TMIGD1: variants seen among roughly 807,000 people sequenced by gnomAD.
TMIGD1 encodes the protein transmembrane and immunoglobulin domain-containing protein 1.
In TMIGD1, 29 loss-of-function variants were observed where a neutral mutation model predicts 27.5. That is an observed-to-expected ratio of 1.05 (90% CI 0.78 to 1.44). The LOEUF is 1.44. Ranked by LOEUF, TMIGD1 falls within the 40% of genes most tolerant of loss-of-function variation. The pLI, the probability that TMIGD1 is intolerant of heterozygous loss-of-function variation, is 0.00. For synonymous variants in TMIGD1, 109 were observed against 110.3 expected (o/e 0.99, Z 0.07); for missense variants, 334 against 310.6 (o/e 1.08, Z -0.57).
At chr17:30,327,416 C>CA (rs35739777) in intron 3 of TMIGD1, among the ~76,000 whole-genome samples, 84,899 of 144,308 alleles carry the variant, frequency 0.59, 26,733 homozygotes, top group African/African-American at 0.86. Context: ...GACCCTGTCT[C>CA]AAAAAAAAAA....
rs374203297 is a variant in TMIGD1, at chr17:30,329,292, C to T, written c.320G>A (p.Arg107Lys). 4 of 1,614,030 alleles carry T rather than the reference C, an allele frequency of 2.5e-6. No homozygotes were observed. In the African/African-American group the frequency reaches 4.0e-5, roughly 16 times the overall value. ...CACCGAAACGGACACGGACTGATCC[C>T]TCCCCAGCCTGCAGGTAAAGCTGAT... is the stretch of plus-strand genomic sequence containing the variant. ...NGISFTCRLG[R>K]DQSVSVSVVL... is the part of the protein sequence containing the mutation. Residue 107 changes from arginine to lysine, a missense_variant, in exon 3 of 7, where the codon AGG becomes AAG. Arg to Lys is a conservative substitution (Grantham distance 26). Transcript: ENST00000328886.
chr17:30,320,411 T>C (rs1008644071), intron 4 of TMIGD1, among the ~76,000 whole-genome samples: 1 of 152,118 alleles, frequency 6.6e-6, no homozygotes, highest in African/African-American at 2.4e-5. Flanking sequence ...TTTGAAAATA[T>C]TTGAGACCCA....
Position 30,318,888 on chromosome 17 carries a change from C to T in TMIGD1, c.666G>A (p.Glu222=). 6.2e-7 allele frequency: 1 copy of T among 1,613,674 alleles called. No homozygotes were observed. Among genetic ancestry groups the T allele is most frequent in the Middle Eastern group, 1.7e-4 (1 of 6,060 alleles). The change falls in exon 5 of 7, where the codon GAG becomes GAA. Residue 222 remains glutamate, a synonymous_variant. Coordinates refer to ENST00000328886, the MANE Select transcript of TMIGD1 (RefSeq NM_206832.3). The part of the protein sequence containing the change: ...VKDKTVGVPI[E]PIIAACVVIF... Reference sequence around the variant, plus strand: ...TCACAACACATGCAGCAATAATGGGCTCTATTGGTACACCCACAGTTTTAT... The same window carrying T: ...TCACAACACATGCAGCAATAATGGGTTCTATTGGTACACCCACAGTTTTAT...
chr17:30,317,377 A>G (rs997821218), intron 5 of TMIGD1, 144 bp from the exon 6 acceptor site: 5 of 762,918 alleles, frequency 6.6e-6, no homozygotes, highest in African/African-American at 5.2e-5. Flanking sequence ...GGGCCACACT[A>G]GTAGTTTTTA....
chr17:30,324,127 G>C (rs1463782447), intron 4 of TMIGD1, among the ~76,000 whole-genome samples: 1 of 152,224 alleles, frequency 6.6e-6, no homozygotes, highest in Non-Finnish European at 1.5e-5. Context: ...GGGAGTCTCA[G>C]CTTGTTGGGC....
At chr17:30,323,768 A>C (rs547052668) in intron 4 of TMIGD1, among the ~76,000 whole-genome samples, 1 of 151,628 alleles carries the variant, frequency 6.6e-6, no homozygotes, top group South Asian at 2.1e-4. Flanking sequence ...AAATAACCAC[A>C]AAGCTTTTTC....
Position 30,316,676 on chromosome 17 carries a change from T to C in TMIGD1, c.*11A>G. On this transcript the variant is annotated 3_prime_UTR_variant, in exon 7 of 7. Transcript: ENST00000328886. ...AAAACTCTCTCTGTATTCGATGGCATCTCAGCTTTCTCATCTGAAATGAAT... is the reference window on the plus strand; with the variant it reads ...AAAACTCTCTCTGTATTCGATGGCACCTCAGCTTTCTCATCTGAAATGAAT... The C allele has an allele frequency of 6.2e-7, 1 of 1,613,416 alleles. No homozygotes were observed. Among genetic ancestry groups the C allele is most frequent in the South Asian group, 1.1e-5 (1 of 90,918 alleles).
chr17:30,325,405 T>A (rs1215226074), intron 3 of TMIGD1, among the ~76,000 whole-genome samples: 1 of 152,126 alleles, frequency 6.6e-6, no homozygotes, highest in Non-Finnish European at 1.5e-5. Context: ...AAGCCTTGAG[T>A]CTTTCTTCTC....
chr17:30,331,774 G>A (rs942374861), intron 2 of TMIGD1, among the ~76,000 whole-genome samples: 6 of 152,090 alleles, frequency 3.9e-5, no homozygotes, highest in South Asian at 2.1e-4. Flanking sequence ...ATTTTTAGTA[G>A]AGATGGGGTT....
intron 5 of TMIGD1, among the ~76,000 whole-genome samples, chr17:30,318,211 A>T (rs1909483973): frequency 6.6e-6 from 1 of 152,226 alleles, no homozygotes; most frequent in Non-Finnish European, 1.5e-5. Context: ...ATGTGTTCCA[A>T]GGAGAATGCC....
intron 4 of TMIGD1, among the ~76,000 whole-genome samples, chr17:30,320,742 A>G (rs1424188206): frequency 6.6e-6 from 1 of 152,234 alleles, no homozygotes; most frequent in East Asian, 1.9e-4. Flanking sequence ...CCGTAGTCCC[A>G]GACACTTGGG....
rs752519301 is a variant in TMIGD1 at position 30,318,900 on chromosome 17, AC to A, written c.653del (p.Gly218ValfsTer4). 4.8e-5 allele frequency: 78 copies of A among 1,612,718 alleles called. No homozygotes were observed. The Middle Eastern group carries it at 9.9e-4, about 20-fold the overall frequency. ...CAGCAATAATGGGCTCTATTGGTAC[AC>A]CCACAGTTTTATCTGTAGGAAATGC... ...FHLIVKDKTV[G>X]VPIEPIIAAC... On this transcript the variant is annotated frameshift_variant, in exon 5 of 7. Coordinates refer to ENST00000328886, the MANE Select transcript of TMIGD1 (RefSeq NM_206832.3). LOFTEE classifies it high-confidence loss of function.
At chr17:30,328,111 T>G (rs1027760691) in intron 3 of TMIGD1, among the ~76,000 whole-genome samples, 6 of 151,934 alleles carry the variant, frequency 3.9e-5, no homozygotes, top group African/African-American at 1.5e-4. Flanking sequence ...CTCAGCTCAT[T>G]GCAACCTCTG....
chr17:30,328,943 TG>T (rs567737486), intron 3 of TMIGD1, among the ~76,000 whole-genome samples: 179 of 125,310 alleles, frequency 1.4e-3, no homozygotes, highest in Middle Eastern at 6.6e-3. Context: ...CACTCCAGCC[TG>T]GGCAACAGAG....
At chr17:30,325,347 G>C (rs1353216376) in intron 3 of TMIGD1, among the ~76,000 whole-genome samples, 1 of 152,170 alleles carries the variant, frequency 6.6e-6, no homozygotes, top group African/African-American at 2.4e-5. Context: ...GATATATATA[G>C]TAATGATCTA....
chr17:30,319,261 A>AAAAAAAAAT, intron 4 of TMIGD1, among the ~76,000 whole-genome samples: 1 of 69,066 alleles, frequency 1.4e-5, no homozygotes, highest in African/African-American at 9.1e-5. Flanking sequence ...AAAAAAAAAA[A>AAAAAAAAAT]ATATATATAT....
At chr17:30,330,178 A>G (rs1412933837) in intron 2 of TMIGD1, among the ~76,000 whole-genome samples, 1 of 107,354 alleles carries the variant, frequency 9.3e-6, no homozygotes. Flanking sequence ...AAGGCACCCC[A>G]CCCCCCGACC....
At chr17:30,319,261 A>AAAAAAAAAAAAAAAAATATATATAT in intron 4 of TMIGD1, among the ~76,000 whole-genome samples, 61 of 68,934 alleles carry the variant, frequency 8.8e-4, no homozygotes, top group Admixed American at 1.5e-3. Context: ...AAAAAAAAAA[A>AAAAAAAAAAAAAAAAATATATATAT]ATATATATAT....
intron 4 of TMIGD1, among the ~76,000 whole-genome samples, chr17:30,319,429 C>CAAAAA (rs1286864435): frequency 2.5e-5 from 1 of 40,786 alleles, no homozygotes; most frequent in Non-Finnish European, 4.9e-5. Context: ...TCTCTGTCTC[C>CAAAAA]AAAAAAAAAA....
Sources: gnomAD v4.1 joint callset for allele counts (sites outside exome capture counted in the v4.1 genomes callset) on GRCh38, gnomAD v4.1.1 for gene constraint, MANE v1.5 for transcripts, NCBI Gene and HGNC (gene_info 2026-07-23, HGNC 2026-07-21) for gene names.